SMAP1: variants seen among roughly 807,000 people sequenced by gnomAD.
SMAP1 encodes the protein small ArfGAP 1.
SMAP1 carries 24 observed loss-of-function variants against 58.5 expected under a neutral mutation model. That is an observed-to-expected ratio of 0.41 (90% CI 0.30 to 0.58). The LOEUF (loss-of-function observed/expected upper bound fraction) is 0.58, where lower values mean the gene tolerates loss of function less well. Among genes scored for constraint, SMAP1 ranks in the 20% least tolerant of loss-of-function variants. The pLI, the probability that SMAP1 is intolerant of heterozygous loss-of-function variation, is 0.29. For missense variants in SMAP1, 563 were observed against 566.3 expected, an observed-to-expected ratio of 0.99 and a Z score of 0.06; for synonymous variants, 216 against 196.6, an observed-to-expected ratio of 1.10 and a Z score of -0.82.
intron 3 of SMAP1, among the ~76,000 whole-genome samples, chr6:70,755,855 T>C (rs1041851666): frequency 6.6e-6 from 1 of 152,078 alleles, no homozygotes; most frequent in African/African-American, 2.4e-5. Flanking sequence ...ATGTGAGGCA[T>C]TGTGGCATTT....
chr6:70,684,690 T>G (rs1402861452), intron 1 of SMAP1, among the ~76,000 whole-genome samples: 1 of 146,868 alleles, frequency 6.8e-6, no homozygotes, highest in African/African-American at 2.6e-5. Flanking sequence ...AGTGTCCTTA[T>G]GATATTTTGA....
At chr6:70,766,369 A>C (rs1361472625) in intron 3 of SMAP1, among the ~76,000 whole-genome samples, 2 of 152,210 alleles carry the variant, frequency 1.3e-5, no homozygotes, top group Non-Finnish European at 2.9e-5. Context: ...CCAACAGTGT[A>C]AAAGTGTTCC....
intron 6 of SMAP1, among the ~76,000 whole-genome samples, chr6:70,827,590 T>TA (rs1770188531): frequency 1.3e-5 from 2 of 152,214 alleles, no homozygotes; most frequent in East Asian, 3.8e-4. Context: ...AAATGTAAAA[T>TA]ATGCTATATC....
At chr6:70,777,757 G>GTT (rs879692456) in intron 4 of SMAP1, among the ~76,000 whole-genome samples, 5 of 144,552 alleles carry the variant, frequency 3.5e-5, no homozygotes, top group Non-Finnish European at 6.1e-5. Context: ...TCATTATTAA[G>GTT]TTTTTTTTTT....
chr6:70,759,158 G>A (rs969807899), intron 3 of SMAP1, among the ~76,000 whole-genome samples: 1 of 152,066 alleles, frequency 6.6e-6, no homozygotes, highest in Non-Finnish European at 1.5e-5. Context: ...GAAAGCCTGT[G>A]GCTGAATCCT....
At chr6:70,857,723 A>ATAAC (rs1479682951) in intron 9 of SMAP1, 199 bp from the exon 10 acceptor site, 5 of 589,166 alleles carry the variant, frequency 8.5e-6, no homozygotes, top group African/African-American at 5.6e-5. Context: ...ACTCAGGTTA[A>ATAAC]TAACTGATTT....
chr6:70,837,279 C>A (rs1246288907), intron 7 of SMAP1, among the ~76,000 whole-genome samples: 3 of 152,128 alleles, frequency 2.0e-5, no homozygotes. Context: ...TCAAAGTAAT[C>A]TTCAAAGGCT....
chr6:70,807,457 G>A (rs1769183809), intron 6 of SMAP1, among the ~76,000 whole-genome samples: 1 of 152,128 alleles, frequency 6.6e-6, no homozygotes, highest in Admixed American at 6.5e-5. Flanking sequence ...AAAATACTCT[G>A]TCATTCACTG....
At chr6:70,750,853 A>G (rs954589065) in intron 2 of SMAP1, among the ~76,000 whole-genome samples, 1 of 152,254 alleles carries the variant, frequency 6.6e-6, no homozygotes, top group African/African-American at 2.4e-5. Flanking sequence ...AGTCAACTAA[A>G]AAAGTGCAGT....
At chr6:70,771,992 C>A (rs1767344368) in intron 3 of SMAP1, among the ~76,000 whole-genome samples, 1 of 152,174 alleles carries the variant, frequency 6.6e-6, no homozygotes, top group African/African-American at 2.4e-5. Flanking sequence ...AAGGTGGGAA[C>A]CATCCTGGGA....
intron 6 of SMAP1, among the ~76,000 whole-genome samples, chr6:70,821,605 A>G (rs1769894641): frequency 6.6e-6 from 1 of 152,226 alleles, no homozygotes; most frequent in African/African-American, 2.4e-5. Context: ...CTTTCAGCCA[A>G]GATGGTTTGC....
intron 1 of SMAP1, among the ~76,000 whole-genome samples, chr6:70,705,343 C>T (rs1187474905): frequency 1.3e-5 from 2 of 151,662 alleles, no homozygotes; most frequent in Non-Finnish European, 2.9e-5. Context: ...CTTCCACCTC[C>T]TGGGTTCAAG....
intron 3 of SMAP1, among the ~76,000 whole-genome samples, chr6:70,760,760 A>G (rs1207125798): frequency 6.6e-6 from 1 of 152,078 alleles, no homozygotes; most frequent in Non-Finnish European, 1.5e-5. Context: ...AAACTCATAT[A>G]ATATGGGACC....
chr6:70,837,602 C>T lies in SMAP1; in HGVS notation c.664+574C>T, dbSNP rs1482404176. ...ATATATTGTCTATGTGGTAAGTAAA[C>T]AGGCCTTCATTCAAGGAGTGTTTAT... On this transcript the variant is annotated intron_variant, in intron 7 of 10. Coordinates refer to ENST00000370455, the MANE Select transcript of SMAP1 (RefSeq NM_001044305.3). Among the ~76,000 whole-genome samples the T allele has an allele frequency of 3.3e-5, 5 of 151,070 alleles. No homozygotes were observed. In the East Asian group the frequency reaches 9.7e-4, roughly 29 times the overall value.
chr6:70,768,738 G>A (rs1218725584), intron 3 of SMAP1, among the ~76,000 whole-genome samples: 4 of 152,150 alleles, frequency 2.6e-5, no homozygotes, highest in Admixed American at 6.5e-5. Context: ...GGTTTTTTGT[G>A]TCTCTATTTC....
At chr6:70,725,713 G>C (rs756747706) in intron 1 of SMAP1, among the ~76,000 whole-genome samples, 1 of 152,122 alleles carries the variant, frequency 6.6e-6, no homozygotes, top group Non-Finnish European at 1.5e-5. Context: ...CTCCTCTTCT[G>C]TTCCTCCTTG....
At position 70,843,412 on chromosome 6, in the gene SMAP1, T is replaced by G. The variant is rs116001658; in HGVS notation, c.664+6384T>G. ...GGCTGTCTTGTGTGCTGACAGATAT[T>G]TATTTATTGAATTTTTGCAACAGCC... is the stretch of plus-strand genomic sequence containing the variant. On this transcript the variant is annotated intron_variant, in intron 7 of 10. Coordinates refer to ENST00000370455, the MANE Select transcript of SMAP1 (RefSeq NM_001044305.3). Among the ~76,000 whole-genome samples, 718 of 152,280 alleles carry G rather than the reference T, an allele frequency of 4.7e-3. 2 individuals carry two copies. Among genetic ancestry groups the G allele is most frequent in the African/African-American group, 0.017 (694 of 41,540 alleles).
chr6:70,860,437 C>G lies in SMAP1; in HGVS notation c.*103C>G, dbSNP rs953611022. Reference sequence around the variant, plus strand: ...ATATGCATATTTTTTTTCTTTTTACCCATTTGTTCATATTAAGAATGATCT... The same window carrying G: ...ATATGCATATTTTTTTTCTTTTTACGCATTTGTTCATATTAAGAATGATCT... On this transcript the variant is annotated 3_prime_UTR_variant, in exon 11 of 11. Transcript: ENST00000370455. The G allele has an allele frequency of 2.9e-6, 4 of 1,366,870 alleles. No homozygotes were observed. Among genetic ancestry groups the G allele is most frequent in the African/African-American group, 1.5e-5 (1 of 68,306 alleles). 84.7% of individuals were successfully genotyped at this position (1,366,870 alleles called of 1,614,324 possible).
At chr6:70,782,553 G>A (rs529262006) in intron 4 of SMAP1, among the ~76,000 whole-genome samples, 170 of 152,246 alleles carry the variant, frequency 1.1e-3, no homozygotes, top group African/African-American at 3.9e-3. Flanking sequence ...TTTCTCCCAT[G>A]CTGGATGCTT....
Sources: gnomAD v4.1 joint callset for allele counts (sites outside exome capture counted in the v4.1 genomes callset) on GRCh38, gnomAD v4.1.1 for gene constraint, MANE v1.5 for transcripts, NCBI Gene and HGNC (gene_info 2026-07-23, HGNC 2026-07-21) for gene names.